KCNIP4: variants seen among roughly 807,000 people sequenced by gnomAD.
The protein encoded by KCNIP4 is Kv channel-interacting protein 4.
KCNIP4 carries 12 observed loss-of-function variants against 34.0 expected under a neutral mutation model. The ratio of observed to expected loss-of-function variants is 0.35; its 90% confidence interval spans 0.23 to 0.57. The LOEUF (loss-of-function observed/expected upper bound fraction) is 0.57, where lower values mean the gene tolerates loss of function less well. Ranked by LOEUF, KCNIP4 falls within the 20% of genes least tolerant of loss-of-function variation. KCNIP4 has a pLI of 0.83. For missense variants in KCNIP4, 238 were observed against 311.7 expected, an observed-to-expected ratio of 0.76 and a Z score of 1.78; for synonymous variants, 124 against 102.2, an observed-to-expected ratio of 1.21 and a Z score of -1.29.
rs548269968 is a variant in KCNIP4, at chr4:21,394,289, C to T, written c.62-511580G>A. ...CTTCAGAGGCCACAGTATCTACTATCCTGGCAATCTTTACAGTTTTCTCAC... is the reference window on the plus strand; with the variant it reads ...CTTCAGAGGCCACAGTATCTACTATTCTGGCAATCTTTACAGTTTTCTCAC... On this transcript the variant is annotated intron_variant, in intron 1 of 8. Transcript: ENST00000382152. Among the ~76,000 whole-genome samples the T allele has an allele frequency of 2.6e-5, 4 of 152,218 alleles. No individual in the cohort carries two copies. In the East Asian group the frequency reaches 7.7e-4, roughly 29 times the overall value.
At chr4:21,126,304 C>G (rs1422263522) in intron 1 of KCNIP4, among the ~76,000 whole-genome samples, 1 of 152,090 alleles carries the variant, frequency 6.6e-6, no homozygotes, top group Non-Finnish European at 1.5e-5. Flanking sequence ...CTTATAGGGC[C>G]AAGAGATGAG....
intron 1 of KCNIP4, among the ~76,000 whole-genome samples, chr4:21,123,236 T>C (rs1045620426): frequency 2.0e-5 from 3 of 152,152 alleles, no homozygotes; most frequent in African/African-American, 7.2e-5. Context: ...GACTTTGACT[T>C]TTGGGTAAAA....
At chr4:20,755,804 G>A (rs1342722474) in intron 4 of KCNIP4, among the ~76,000 whole-genome samples, 1 of 152,114 alleles carries the variant, frequency 6.6e-6, no homozygotes, top group East Asian at 1.9e-4. Flanking sequence ...TCAGGCAGAG[G>A]GAACAGCAGG....
chr4:21,800,083 TA>T (rs1720889155), intron 1 of KCNIP4, among the ~76,000 whole-genome samples: 1 of 152,232 alleles, frequency 6.6e-6, no homozygotes, highest in Non-Finnish European at 1.5e-5. Context: ...GCTAAGCTTA[TA>T]GAAAAATCCT....
At chr4:21,833,579 G>C (rs1414037930) in intron 1 of KCNIP4, among the ~76,000 whole-genome samples, 1 of 152,150 alleles carries the variant, frequency 6.6e-6, no homozygotes, top group Non-Finnish European at 1.5e-5. Context: ...TTGCTGTGCA[G>C]AAGCTCTTTA....
At chr4:20,787,316 G>A (rs555012567) in intron 3 of KCNIP4, among the ~76,000 whole-genome samples, 1 of 152,228 alleles carries the variant, frequency 6.6e-6, no homozygotes, top group South Asian at 2.1e-4. Context: ...TATTTTTTAG[G>A]TGGTTTTATT....
intron 1 of KCNIP4, among the ~76,000 whole-genome samples, chr4:21,170,492 A>C (rs1305289054): frequency 1.3e-5 from 2 of 152,190 alleles, no homozygotes; most frequent in African/African-American, 4.8e-5. Flanking sequence ...TGAATCTTCT[A>C]TATTTTAATT....
chr4:20,958,994 G>T (rs1733594171), intron 1 of KCNIP4, among the ~76,000 whole-genome samples: 1 of 152,222 alleles, frequency 6.6e-6, no homozygotes, highest in African/African-American at 2.4e-5. Context: ...CCATTGTGGA[G>T]CATGTTGAAA....
At chr4:21,445,857 T>A (rs1727936972) in intron 1 of KCNIP4, among the ~76,000 whole-genome samples, 1 of 151,650 alleles carries the variant, frequency 6.6e-6, no homozygotes, top group Non-Finnish European at 1.5e-5. Context: ...TGGGAGAAAA[T>A]TTTTGCAATC....
intron 1 of KCNIP4, among the ~76,000 whole-genome samples, chr4:21,746,038 G>T (rs1473022754): frequency 6.6e-6 from 1 of 152,110 alleles, no homozygotes; most frequent in African/African-American, 2.4e-5. Flanking sequence ...TTCTTCAGAG[G>T]CCTCTCTCCT....
chr4:21,047,187 C>G (rs531012308), intron 1 of KCNIP4, among the ~76,000 whole-genome samples: 1 of 152,226 alleles, frequency 6.6e-6, no homozygotes, highest in East Asian at 1.9e-4. Flanking sequence ...TGTGGCATCC[C>G]TTTTTCAAAG....
At chr4:21,279,830 C>A (rs1490523383) in intron 1 of KCNIP4, among the ~76,000 whole-genome samples, 2 of 152,018 alleles carry the variant, frequency 1.3e-5, no homozygotes, top group Non-Finnish European at 2.9e-5. Context: ...CTCATTATTT[C>A]AAAAATTAAT....
intron 1 of KCNIP4, among the ~76,000 whole-genome samples, chr4:21,102,621 T>C (rs1748048528): frequency 6.6e-6 from 1 of 152,232 alleles, no homozygotes; most frequent in Non-Finnish European, 1.5e-5. Context: ...TTTATTTTAA[T>C]TGATATACAA....
intron 1 of KCNIP4, among the ~76,000 whole-genome samples, chr4:21,758,256 C>T (rs1717801520): frequency 6.6e-6 from 1 of 152,162 alleles, no homozygotes; most frequent in African/African-American, 2.4e-5. Flanking sequence ...TCTCATGAAA[C>T]TATGTCTGGT....
intron 1 of KCNIP4, among the ~76,000 whole-genome samples, chr4:21,722,618 T>C (rs1408902407): frequency 1.3e-5 from 2 of 152,150 alleles, no homozygotes; most frequent in Admixed American, 1.3e-4. Context: ...GAATTTTCAA[T>C]TGAGAAGAGA....
At chr4:20,847,590 A>G (rs2149479344) in intron 3 of KCNIP4, among the ~76,000 whole-genome samples, 1 of 152,252 alleles carries the variant, frequency 6.6e-6, no homozygotes, top group African/African-American at 2.4e-5. Flanking sequence ...AATGTGTGGG[A>G]GCCTCAGTGA....
At chr4:21,766,434 CA>C in intron 1 of KCNIP4, among the ~76,000 whole-genome samples, 1 of 152,248 alleles carries the variant, frequency 6.6e-6, no homozygotes, top group Non-Finnish European at 1.5e-5. Flanking sequence ...CATTTGTCTT[CA>C]AAATCCTGGG....
intron 1 of KCNIP4, among the ~76,000 whole-genome samples, chr4:21,890,256 A>C (rs1169733933): frequency 6.6e-6 from 1 of 152,154 alleles, no homozygotes; most frequent in Non-Finnish European, 1.5e-5. Context: ...GCTTGACCAG[A>C]GGCAGACTTA....
rs139846358 is a variant in KCNIP4, at chr4:21,248,930, T to A, written c.62-366221A>T. 3.1e-3 allele frequency among the ~76,000 whole-genome samples: 465 copies of A among 152,320 alleles called. 5 individuals carry two copies. Among genetic ancestry groups the A allele is most frequent in the African/African-American group, 0.01 (434 of 41,582 alleles). ...TAATTTTAAAAGTCAGTGCTTTCGCTGTTGTATCTCCCCATGAGGCCAACC... is the reference window on the plus strand; with the variant it reads ...TAATTTTAAAAGTCAGTGCTTTCGCAGTTGTATCTCCCCATGAGGCCAACC... On this transcript the variant is annotated intron_variant, in intron 1 of 8. Coordinates refer to ENST00000382152, the MANE Select transcript of KCNIP4 (RefSeq NM_025221.6).
Sources: gnomAD v4.1 joint callset for allele counts (sites outside exome capture counted in the v4.1 genomes callset) on GRCh38, gnomAD v4.1.1 for gene constraint, MANE v1.5 for transcripts, NCBI Gene and HGNC (gene_info 2026-07-23, HGNC 2026-07-21) for gene names.